Variants in CSMD1 observed in about 807,000 individuals in gnomAD.
CSMD1 encodes CUB and Sushi multiple domains 1.
Under a neutral mutation model 417.5 loss-of-function variants are expected in CSMD1, and 213 were observed. The ratio of observed to expected loss-of-function variants is 0.51; its 90% CI spans 0.46 to 0.57. The LOEUF (loss-of-function observed/expected upper bound fraction) is 0.57, where lower values mean the gene tolerates loss of function less well. CSMD1 is among the 20% of genes least tolerant of loss of function. The probability of loss-of-function intolerance (pLI) is 0.00; values close to 1 mark genes in which losing one functional copy is unlikely to be tolerated. For missense variants in CSMD1, 6,923 were observed against 4,529.7 expected, an observed-to-expected ratio of 1.53 and a Z score of -15.17; for synonymous variants, 2,862 against 1,736.8, an observed-to-expected ratio of 1.65 and a Z score of -16.11.
At chr8:4,159,268 A>T (rs894192971) in intron 3 of CSMD1, among the ~76,000 whole-genome samples, 7 of 152,180 alleles carry the variant, frequency 4.6e-5, no homozygotes, top group Admixed American at 6.5e-5. Flanking sequence ...TTGGGGTAGC[A>T]TTTAGTGTAA....
intron 47 of CSMD1, 40 bp from the exon 48 acceptor site, chr8:3,091,702 G>T: frequency 6.3e-7 from 1 of 1,580,442 alleles, no homozygotes; most frequent in South Asian, 1.2e-5. Context: ...AGAGATGAGT[G>T]AGCACCTACC....
intron 2 of CSMD1, among the ~76,000 whole-genome samples, chr8:4,429,866 T>C (rs1279308794): frequency 6.6e-6 from 1 of 152,250 alleles, no homozygotes; most frequent in East Asian, 1.9e-4. Flanking sequence ...TTAAGTTCTA[T>C]GAAATGAGGG....
chr8:3,452,382 C>G (rs1181854939), intron 12 of CSMD1, among the ~76,000 whole-genome samples: 2 of 152,176 alleles, frequency 1.3e-5, no homozygotes, highest in Non-Finnish European at 2.9e-5. Context: ...AGAGGGCACT[C>G]CTGTCTTGTG....
chr8:3,709,123 C>T (rs1057211242), intron 6 of CSMD1, among the ~76,000 whole-genome samples: 4 of 150,660 alleles, frequency 2.7e-5, no homozygotes, highest in African/African-American at 4.9e-5. Context: ...TGATGTACTA[C>T]GGCCTGCATT....
chr8:3,006,903 A>G (rs1483582159), intron 52 of CSMD1, among the ~76,000 whole-genome samples: 17 of 141,312 alleles, frequency 1.2e-4, no homozygotes, highest in Admixed American at 1.1e-3. Context: ...CAATGGCAAC[A>G]AAAGACAAAA....
intron 1 of CSMD1, among the ~76,000 whole-genome samples, chr8:4,707,864 G>GT (rs1808042384): frequency 7.6e-6 from 1 of 132,064 alleles, no homozygotes. Flanking sequence ...TCCAGCCTGG[G>GT]GACAAGAGCA....
At chr8:3,282,295 T>C (rs2117224151) in intron 26 of CSMD1, among the ~76,000 whole-genome samples, 1 of 152,224 alleles carries the variant, frequency 6.6e-6, no homozygotes. Context: ...GAGGAGGCTG[T>C]GTGCTGTGGA....
intron 5 of CSMD1, among the ~76,000 whole-genome samples, chr8:3,984,498 A>G (rs552620965): frequency 7.9e-5 from 12 of 152,068 alleles, no homozygotes; most frequent in South Asian, 6.2e-4. Flanking sequence ...TGACTAGCTC[A>G]TTTTGAATCC....
Position 3,289,994 on chromosome 8 carries a change from A to G in CSMD1, c.3951-5648T>C, listed in dbSNP as rs1307219621. Among the ~76,000 whole-genome samples the G allele has an allele frequency of 2.7e-5, 4 of 147,236 alleles. 1 individual carries two copies. Among genetic ancestry groups the G allele is most frequent in the African/African-American group, 8.1e-5 (3 of 37,088 alleles). On this transcript the variant is annotated intron_variant, in intron 25 of 69. Transcript: ENST00000635120. The stretch of plus-strand genomic sequence containing the variant: ...TTAAGTCTTTAATCCATCTTGAATT[A>G]ATTTTTGTGTAAGGTGTAAGGAAGG...
chr8:4,831,592 T>C (rs1249329602), intron 1 of CSMD1, among the ~76,000 whole-genome samples: 1 of 152,132 alleles, frequency 6.6e-6, no homozygotes, highest in African/African-American at 2.4e-5. Flanking sequence ...TGCCAAGGTT[T>C]GTTGACTCCA....
chr8:4,132,766 A>G (rs1376967291), intron 3 of CSMD1, among the ~76,000 whole-genome samples: 1 of 152,188 alleles, frequency 6.6e-6, no homozygotes, highest in East Asian at 1.9e-4. Context: ...GTTCTCTACA[A>G]TCCGTTTAAA....
chr8:4,402,760 A>C (rs888364893), intron 3 of CSMD1, among the ~76,000 whole-genome samples: 1 of 149,482 alleles, frequency 6.7e-6, no homozygotes, highest in Non-Finnish European at 1.5e-5. Flanking sequence ...ATCTGTACTG[A>C]ATGCCCTTGA....
intron 2 of CSMD1, among the ~76,000 whole-genome samples, chr8:4,623,287 A>AT (rs2065628036): frequency 6.6e-6 from 1 of 152,300 alleles, no homozygotes; most frequent in African/African-American, 2.4e-5. Flanking sequence ...TCACCGTAAA[A>AT]TAACACTCTA....
intron 5 of CSMD1, among the ~76,000 whole-genome samples, chr8:3,904,827 G>A (rs1051518694): frequency 6.6e-6 from 1 of 151,742 alleles, no homozygotes; most frequent in South Asian, 2.1e-4. Context: ...AGTAAAGATG[G>A]GGTTTTACCA....
At chr8:4,029,156 A>AAGGAC (rs1319322455) in intron 4 of CSMD1, among the ~76,000 whole-genome samples, 2 of 152,234 alleles carry the variant, frequency 1.3e-5, no homozygotes, top group Non-Finnish European at 2.9e-5. Flanking sequence ...ACAGGGCTAG[A>AAGGAC]AGGACATAAA....
chr8:3,313,675 CTG>C (rs1805532049), intron 23 of CSMD1, among the ~76,000 whole-genome samples: 1 of 152,078 alleles, frequency 6.6e-6, no homozygotes, highest in Admixed American at 6.5e-5. Context: ...GTTGGTGGGA[CTG>C]TAAACGAGTT....
chr8:3,683,379 G>A (rs1585070248), intron 7 of CSMD1, among the ~76,000 whole-genome samples: 1 of 151,894 alleles, frequency 6.6e-6, no homozygotes, highest in East Asian at 1.9e-4. Flanking sequence ...GTTTATTCTG[G>A]GCACTGCATC....
At chr8:4,927,285 C>T (rs567618345) in intron 1 of CSMD1, among the ~76,000 whole-genome samples, 4 of 151,918 alleles carry the variant, frequency 2.6e-5, no homozygotes, top group Non-Finnish European at 4.4e-5. Flanking sequence ...CTCGAACTCC[C>T]GTCCTCAAGC....
chr8:2,954,352 T>A (rs1033136731), intron 64 of CSMD1, 84 bp from the exon 65 acceptor site: 3 of 810,900 alleles, frequency 3.7e-6, no homozygotes, highest in Admixed American at 2.9e-5. Context: ...TGAAGCAATT[T>A]TCCTTTCTCC....
Sources: allele counts gnomAD v4.1 joint callset (sites outside exome capture counted in the v4.1 genomes callset), GRCh38; gene constraint gnomAD v4.1.1; transcripts MANE v1.5; gene names NCBI Gene and HGNC (gene_info 2026-07-23, HGNC 2026-07-21).